TRDMT1: variants seen among roughly 807,000 people sequenced by gnomAD.
The protein encoded by TRDMT1 is tRNA aspartic acid methyltransferase 1.
Under a neutral mutation model 51.2 loss-of-function variants are expected in TRDMT1, and 49 were observed. The observed-to-expected ratio is 0.96, with a 90% confidence interval of 0.76 to 1.21. The LOEUF is 1.21. Among genes scored for constraint, TRDMT1 ranks in the 50% most tolerant of loss-of-function variants. The pLI is 0.00. For missense variants in TRDMT1, 534 were observed against 462.3 expected (o/e 1.16, Z -1.42); for synonymous variants, 187 against 164.6 (o/e 1.14, Z -1.04).
intron 1 of TRDMT1, among the ~76,000 whole-genome samples, chr10:17,181,314 C>T (rs11254434): frequency 0.14 from 20,821 of 152,090 alleles, 1,523 homozygotes; most frequent in Admixed American, 0.17. Flanking sequence ...AAGGCTGATC[C>T]GTGCACTCTC....
rs139946324 is a variant in TRDMT1 at position 17,187,546 on chromosome 10, A to G, written c.65-12886T>C. Among the ~76,000 whole-genome samples the G allele has an allele frequency of 2.0e-3, 306 of 152,318 alleles. 1 individual carries two copies. Among genetic ancestry groups the G allele is most frequent in the African/African-American group, 7.1e-3 (297 of 41,578 alleles). On this transcript the variant is annotated intron_variant, in intron 1 of 10. Transcript: ENST00000377799. ...ATGGTGCTTTTAGATCCAAGGATAC[A>G]GTGGTGAACAAAATAGAACAAAATG...
At chr10:17,190,448 A>G (rs61841816) in intron 1 of TRDMT1, among the ~76,000 whole-genome samples, 1 of 146,632 alleles carries the variant, frequency 6.8e-6, no homozygotes, top group Non-Finnish European at 1.5e-5. Flanking sequence ...AAAAAAAAAA[A>G]CCACTTAAAC....
At chr10:17,173,879 C>A (rs556912409) in intron 2 of TRDMT1, among the ~76,000 whole-genome samples, 4 of 151,582 alleles carry the variant, frequency 2.6e-5, no homozygotes, top group Non-Finnish European at 5.9e-5. Flanking sequence ...ATTCTCCTGC[C>A]TCAGCCTCCC....
Position 17,144,650 on chromosome 10 carries a change from A to G in TRDMT1, c.*4390T>C. On this transcript the variant is annotated 3_prime_UTR_variant, in exon 11 of 11. Coordinates refer to ENST00000377799, the MANE Select transcript of TRDMT1 (RefSeq NM_004412.7). ...GTACATGCTCATATTTCTTGAACAA[A>G]TATATTTAAAAAGAAATAAATTCAC... 1.0e-6 allele frequency: 1 copy of G among 985,380 alleles called. No homozygotes were observed. The highest frequency in any genetic ancestry group is 1.1e-4 in the East Asian group (1 of 8,816). 61.0% of individuals were successfully genotyped at this position (985,380 alleles called of 1,614,324 possible). A position where few individuals can be genotyped will look rare whatever the true frequency, so the allele number is the denominator to read the frequency against.
In TRDMT1 at chr10:17,154,219, T is replaced by C. The variant is rs1051348882; in HGVS notation, c.945+458A>G. ...ATTCAAAAAAATATAAAACTTGCTA[T>C]ATATTAGACTTGTATTCAACCATGA... On this transcript the variant is annotated intron_variant, in intron 9 of 10. Transcript: ENST00000377799. 4.7e-4 allele frequency among the ~76,000 whole-genome samples: 72 copies of C among 152,274 alleles called. 1 individual carries two copies. Among genetic ancestry groups the C allele is most frequent in the African/African-American group, 1.7e-3 (71 of 41,576 alleles).
intron 1 of TRDMT1, 158 bp downstream of exon 1, chr10:17,201,413 C>T (rs1210652346): frequency 3.1e-6 from 2 of 655,376 alleles, no homozygotes; most frequent in African/African-American, 1.9e-5. Context: ...GACACGGCGG[C>T]GCGCAGGAGC....
intron 1 of TRDMT1, among the ~76,000 whole-genome samples, chr10:17,175,387 A>G (rs1331212018): frequency 2.0e-5 from 3 of 152,196 alleles, no homozygotes; most frequent in Non-Finnish European, 4.4e-5. Flanking sequence ...AGAGAATTCT[A>G]GCATATTCTT....
Position 17,148,155 on chromosome 10 carries a change from T to C in TRDMT1, c.*885A>G. On this transcript the variant is annotated 3_prime_UTR_variant, in exon 11 of 11. Coordinates refer to ENST00000377799, the MANE Select transcript of TRDMT1 (RefSeq NM_004412.7). ...GCTGAGGAAGAGAGACAGAGAAAGT[T>C]AAAAGTCATAAAAGTTCATTGAGAG... 2.0e-6 allele frequency: 2 copies of C among 985,356 alleles called. No individual in the cohort carries two copies. Among genetic ancestry groups the C allele is most frequent in the South Asian group, 9.4e-5 (2 of 21,280 alleles). The allele number at this position is 985,356 out of a possible 1,614,324, so 61.0% of individuals were successfully genotyped here. A position where few individuals can be genotyped will look rare whatever the true frequency, so the allele number is the denominator to read the frequency against.
intron 10 of TRDMT1, chr10:17,150,696 G>A (rs1226407491): frequency 1.0e-6 from 1 of 984,484 alleles, no homozygotes; most frequent in African/African-American, 1.7e-5. Context: ...GGACAGGAAG[G>A]TAGAATTAGT....
chr10:17,151,517 A>G (rs1838737066), intron 10 of TRDMT1: 1 of 985,268 alleles, frequency 1.0e-6, no homozygotes, highest in Admixed American at 6.1e-5. Context: ...TGTTGGAAAC[A>G]CACATGAGGG....
chr10:17,147,645 T>A lies in TRDMT1; in HGVS notation c.*1395A>T, dbSNP rs889178072. ...GTCACCGCATATGTCAGAATTTCCT[T>A]CCTGCGGAAGGCTGGTACTATTCCA... On this transcript the variant is annotated 3_prime_UTR_variant, in exon 11 of 11. Transcript: ENST00000377799. The A allele has an allele frequency of 1.3e-5, 2 of 153,714 alleles. No individual in the cohort carries two copies. The highest frequency in any genetic ancestry group is 2.9e-5 in the Non-Finnish European group (2 of 69,430). 9.5% of individuals were successfully genotyped at this position (153,714 alleles called of 1,614,324 possible).
intron 1 of TRDMT1, among the ~76,000 whole-genome samples, chr10:17,194,079 G>T (rs1030313382): frequency 6.6e-6 from 1 of 152,098 alleles, no homozygotes. Context: ...TTTAATAAAC[G>T]GTGCTAGGAT....
chr10:17,185,635 T>C (rs1267740516), intron 1 of TRDMT1, among the ~76,000 whole-genome samples: 1 of 152,098 alleles, frequency 6.6e-6, no homozygotes, highest in Non-Finnish European at 1.5e-5. Flanking sequence ...CTATTCACAA[T>C]AGCAAAGACT....
intron 9 of TRDMT1, among the ~76,000 whole-genome samples, chr10:17,154,369 C>T (rs983227170): frequency 6.6e-6 from 1 of 151,920 alleles, no homozygotes; most frequent in African/African-American, 2.4e-5. Context: ...GTTTGTACAA[C>T]ATTTTAGAGA....
intron 10 of TRDMT1, chr10:17,153,247 T>C (rs1839012178): frequency 2.1e-6 from 1 of 483,454 alleles, no homozygotes; most frequent in Non-Finnish European, 3.6e-6. Flanking sequence ...AGGCAAGGAG[T>C]TGCCAATGTG....
intron 1 of TRDMT1, among the ~76,000 whole-genome samples, chr10:17,199,583 G>C (rs1002107236): frequency 6.6e-6 from 1 of 152,188 alleles, no homozygotes; most frequent in African/African-American, 2.4e-5. Context: ...GATGCTGAAG[G>C]GAGAGTGGCA....
Position 17,142,126 on chromosome 10 carries a change from T to G in TRDMT1, c.*6914A>C, listed in dbSNP as rs1837738544. The stretch of plus-strand genomic sequence containing the variant: ...AGAGTTGCTTAAAATCCTTGTCAAG[T>G]AATTCCAACATCTGATTTGTCTCAG... On this transcript the variant is annotated 3_prime_UTR_variant, in exon 11 of 11. Coordinates refer to ENST00000377799, the MANE Select transcript of TRDMT1 (RefSeq NM_004412.7). The G allele has an allele frequency of 6.6e-6, 1 of 152,252 alleles. No homozygotes were observed. The highest frequency in any genetic ancestry group is 1.5e-5 in the Non-Finnish European group (1 of 68,050). 9.4% of individuals were successfully genotyped at this position (152,252 alleles called of 1,614,324 possible).
chr10:17,177,777 T>C (rs1470686739), intron 1 of TRDMT1, among the ~76,000 whole-genome samples: 1 of 151,554 alleles, frequency 6.6e-6, no homozygotes, highest in African/African-American at 2.4e-5. Flanking sequence ...TTCCTTTCTT[T>C]TTCTGATGAT....
chr10:17,159,305 A>G lies in TRDMT1; in HGVS notation c.460-76T>C, dbSNP rs1304738842. The G allele has an allele frequency of 1.4e-5, 15 of 1,055,154 alleles. No individual in the cohort carries two copies. In the East Asian group the frequency reaches 3.8e-4, roughly 27 times the overall value. The allele number at this position is 1,055,154 out of a possible 1,614,324, so 65.4% of individuals were successfully genotyped here. On this transcript the variant is annotated intron_variant, in intron 6 of 10. Transcript: ENST00000377799. The stretch of plus-strand genomic sequence containing the variant: ...TACCAACTTTAGCACCAAGTTAAAC[A>G]GCAACAACAAAAAACTCAAACGAGC...
Sources: allele counts gnomAD v4.1 joint callset (sites outside exome capture counted in the v4.1 genomes callset), GRCh38; gene constraint gnomAD v4.1.1; transcripts MANE v1.5; gene names NCBI Gene and HGNC (gene_info 2026-07-23, HGNC 2026-07-21).